The following GLYATL1B variants were observed in gnomAD, a reference collection of about 807,000 sequenced individuals.
GLYATL1B encodes glycine-N-acyltransferase like 1B.
Under a neutral mutation model 5.5 loss-of-function variants are expected in GLYATL1B, and 6 were observed. The observed-to-expected ratio is 1.09, with a 90% CI of 0.60 to 2.15. The LOEUF is 2.15. GLYATL1B is among the 30% of genes most tolerant of loss of function. The pLI is 0.00. For synonymous variants in GLYATL1B, 67 were observed against 34.9 expected, an observed-to-expected ratio of 1.92 and a Z score of -3.24; for missense variants, 135 against 94.1, an observed-to-expected ratio of 1.43 and a Z score of -1.80.
At chr11:59,092,037 T>C (rs144248778) in intron 2 of GLYATL1B, among the ~76,000 whole-genome samples, 4,839 of 152,312 alleles carry the variant, frequency 0.032, 269 homozygotes, top group African/African-American at 0.11. Flanking sequence ...ATTTTGATAG[T>C]TTATTCTTGA....
intron 2 of GLYATL1B, among the ~76,000 whole-genome samples, chr11:59,087,426 C>T (rs570821006): frequency 6.6e-6 from 1 of 151,972 alleles, no homozygotes; most frequent in Non-Finnish European, 1.5e-5. Flanking sequence ...GATTAAGGGC[C>T]CTTTGAGGTG....
At chr11:59,093,881 T>C in intron 3 of GLYATL1B, 53 bp from the exon 4 acceptor site, 1 of 611,728 alleles carries the variant, frequency 1.6e-6, no homozygotes, top group Middle Eastern at 2.9e-4. Context: ...GTGTGAGCAG[T>C]GTAAGTAGAG....
chr11:59,092,958 A>G (rs753564033), intron 2 of GLYATL1B, among the ~76,000 whole-genome samples: 2 of 152,230 alleles, frequency 1.3e-5, no homozygotes, highest in African/African-American at 2.4e-5. Flanking sequence ...GTGAAACAGT[A>G]GGCACTATAA....
At chr11:59,089,342 G>A (rs1235717435) in intron 2 of GLYATL1B, among the ~76,000 whole-genome samples, 1 of 152,074 alleles carries the variant, frequency 6.6e-6, no homozygotes, top group Non-Finnish European at 1.5e-5. Flanking sequence ...TTTACATCCT[G>A]GAAACTTTTC....
chr11:59,086,860 C>A (rs1264829288), intron 1 of GLYATL1B, among the ~76,000 whole-genome samples: 2 of 152,206 alleles, frequency 1.3e-5, no homozygotes, highest in Non-Finnish European at 2.9e-5. Context: ...TCTGTGGTAT[C>A]ACAAGAACAC....
At position 59,094,569 on chromosome 11, in the gene GLYATL1B, T is replaced by C. The variant is rs965413054; in HGVS notation, c.692T>C (p.Met231Thr). The C allele has an allele frequency of 1.1e-5, 6 of 542,472 alleles. No homozygotes were observed. Among genetic ancestry groups the C allele is most frequent in the African/African-American group, 7.7e-5 (4 of 51,982 alleles). 33.6% of individuals were successfully genotyped at this position (542,472 alleles called of 1,614,324 possible). A position where few individuals can be genotyped will look rare whatever the true frequency, so the allele number is the denominator to read the frequency against. Residue 231 changes from methionine (M) to threonine (T), a missense_variant, in exon 5 of 5, where the codon ATG (methionine) becomes ACG (threonine). Transcript: ENST00000527482. Reference sequence around the variant, plus strand: ...ATGGACCCTTCTTGTGAAATAGGAATGGGCTACAGTGTGGAAAAATACCGA... The same window carrying C: ...ATGGACCCTTCTTGTGAAATAGGAACGGGCTACAGTGTGGAAAAATACCGA... ...VTMDPSCEIG[M>T]GYSVEKYRRR...
chr11:59,087,136 G>A lies in GLYATL1B; in HGVS notation c.151G>A (p.Glu51Lys), dbSNP rs149559764. Residue 51 changes from glutamate (E) to lysine (K), a missense_variant, in exon 2 of 5, where the codon GAG (glutamate) becomes AAG (lysine). By Grantham distance (56) the Glu-to-Lys change is moderately conservative (BLOSUM62 1). Transcript: ENST00000527482. ...NMEVLVDSWP[E>K]YQMVIIRPQK... ...GGAAGTGTTGGTGGACTCCTGGCCCGAGTATCAGATGGTTATTATCCGACC... is the reference window on the plus strand; with the variant it reads ...GGAAGTGTTGGTGGACTCCTGGCCCAAGTATCAGATGGTTATTATCCGACC... The A allele has an allele frequency of 6.9e-3, 4,544 of 655,676 alleles. 42 individuals are homozygous for A. The highest frequency in any genetic ancestry group is 7.5e-3 in the Non-Finnish European group (2,692 of 359,746). The allele number at this position is 655,676 out of a possible 1,614,324, so 40.6% of individuals were successfully genotyped here. A position where few individuals can be genotyped will look rare whatever the true frequency, so the allele number is the denominator to read the frequency against.
At chr11:59,088,695 G>A (rs1859243811) in intron 2 of GLYATL1B, among the ~76,000 whole-genome samples, 2 of 152,082 alleles carry the variant, frequency 1.3e-5, no homozygotes, top group South Asian at 4.2e-4. Context: ...CTTTGAACAA[G>A]GCTAGTTTTT....
rs961940242 is a variant in GLYATL1B at position 59,093,529 on chromosome 11, G to A, written c.187G>A (p.Glu63Lys). 3 of 478,088 alleles carry A rather than the reference G, an allele frequency of 6.3e-6. No individual in the cohort carries two copies. Among genetic ancestry groups the A allele is most frequent in the African/African-American group, 5.9e-5 (3 of 50,558 alleles). 29.6% of individuals were successfully genotyped at this position (478,088 alleles called of 1,614,324 possible). ...TCTGACCTTTCACCATCCTACACAG[G>A]AGATGACTGATGACATGGATTCATA... ...QMVIIRPQKQ[E>K]MTDDMDSYTN... Residue 63 changes from glutamate (E) to lysine (K), a missense_variant and splice_region_variant, in exon 3 of 5, where the codon GAG becomes AAG. Physicochemically the swap from Glu to Lys is moderately conservative, Grantham distance 56. Transcript: ENST00000527482.
chr11:59,091,568 C>T (rs1020574602), intron 2 of GLYATL1B, among the ~76,000 whole-genome samples: 3 of 152,132 alleles, frequency 2.0e-5, no homozygotes, highest in African/African-American at 7.2e-5. Flanking sequence ...TGCTTAGCTC[C>T]CAGTTATGAG....
intron 2 of GLYATL1B, among the ~76,000 whole-genome samples, chr11:59,090,981 G>A (rs542816898): frequency 2.0e-4 from 30 of 152,106 alleles, no homozygotes; most frequent in African/African-American, 5.8e-4. Context: ...TAGAATGAAC[G>A]GTAGATTTTA....
chr11:59,094,512 GC>G lies in GLYATL1B; in HGVS notation c.638del (p.Pro213GlnfsTer9). ...LGALPAACML[G>X]PEGVPVSWVT... ...GCCCTGCCAGCAGCCTGTATGCTGG[GC>G]CCAGAGGGGGTCCCGGTCTCATGGG... On this transcript the variant is annotated frameshift_variant, in exon 5 of 5. Coordinates refer to ENST00000527482, the MANE Select transcript of GLYATL1B (RefSeq NM_001355566.1). LOFTEE classifies it low-confidence loss of function (END_TRUNC). 1 of 795,762 alleles carries G rather than the reference GC, an allele frequency of 1.3e-6. No individual in the cohort carries two copies. Among genetic ancestry groups the G allele is most frequent in the Non-Finnish European group, 2.1e-6 (1 of 476,054 alleles). The allele number at this position is 795,762 out of a possible 1,614,324, so 49.3% of individuals were successfully genotyped here.
intron 2 of GLYATL1B, among the ~76,000 whole-genome samples, chr11:59,089,479 T>C (rs1253950810): frequency 6.6e-6 from 1 of 152,194 alleles, no homozygotes; most frequent in Non-Finnish European, 1.5e-5. Flanking sequence ...TGTGGAAGAA[T>C]TGTTTCCCAC....
In GLYATL1B at chr11:59,094,116, A is replaced by G. The variant is rs1859379304; in HGVS notation, c.491+5A>G. Reference sequence around the variant, plus strand: ...CCCAGATGACGAATTGGAGAGGTACAAAAAACATGTGCTGATCATTTATAA... The same window carrying G: ...CCCAGATGACGAATTGGAGAGGTACGAAAAACATGTGCTGATCATTTATAA... On this transcript the variant is annotated splice_donor_5th_base_variant and intron_variant, in intron 4 of 4. Transcript: ENST00000527482. 1 of 610,770 alleles carries G rather than the reference A, an allele frequency of 1.6e-6. No homozygotes were observed. Among genetic ancestry groups the G allele is most frequent in the African/African-American group, 1.9e-5 (1 of 52,640 alleles). 37.8% of individuals were successfully genotyped at this position (610,770 alleles called of 1,614,324 possible).
At chr11:59,090,211 A>G (rs559841338) in intron 2 of GLYATL1B, among the ~76,000 whole-genome samples, 2 of 151,976 alleles carry the variant, frequency 1.3e-5, no homozygotes, top group Non-Finnish European at 2.9e-5. Flanking sequence ...TTTAATATCT[A>G]ATAAAGCAAA....
At chr11:59,088,704 TTA>T in intron 2 of GLYATL1B, among the ~76,000 whole-genome samples, 1 of 152,234 alleles carries the variant, frequency 6.6e-6, no homozygotes, top group African/African-American at 2.4e-5. Flanking sequence ...AGGCTAGTTT[TTA>T]TATAGTGAGT....
chr11:59,089,142 GC>G (rs1859255066), intron 2 of GLYATL1B, among the ~76,000 whole-genome samples: 1 of 152,002 alleles, frequency 6.6e-6, no homozygotes, highest in African/African-American at 2.4e-5. Flanking sequence ...TTTTTAATTT[GC>G]CTTTGACATA....
Position 59,089,056 on chromosome 11 carries a change from C to A in GLYATL1B, c.186+1885C>A, listed in dbSNP as rs1859252521. 2.0e-5 allele frequency among the ~76,000 whole-genome samples: 3 copies of A among 152,154 alleles called. No homozygotes were observed. The South Asian group carries it at 6.2e-4, about 32-fold the overall frequency. ...TTTGCCCTCCTCTCCTCCATTCCTA[C>A]CCTTTGGGGTAATCGGTGTCCTTGG... On this transcript the variant is annotated intron_variant, in intron 2 of 4. Transcript: ENST00000527482.
intron 2 of GLYATL1B, among the ~76,000 whole-genome samples, chr11:59,088,542 C>A (rs1859240283): frequency 6.6e-6 from 1 of 152,140 alleles, no homozygotes; most frequent in Non-Finnish European, 1.5e-5. Flanking sequence ...TTTACTTGAT[C>A]CATGGTCCAA....
Sources: allele counts gnomAD v4.1 joint callset (sites outside exome capture counted in the v4.1 genomes callset), GRCh38; gene constraint gnomAD v4.1.1; transcripts MANE v1.5; gene names NCBI Gene and HGNC (gene_info 2026-07-23, HGNC 2026-07-21).